Variants in ODAD2 observed in about 807,000 individuals in gnomAD.
ODAD2 encodes outer dynein arm-docking complex subunit 2.
ODAD2 carries 89 observed loss-of-function variants against 106.8 expected under a neutral mutation model. The observed-to-expected ratio is 0.83, with a 90% CI of 0.70 to 0.99. The LOEUF is 0.99. ODAD2 is among the 50% of genes least tolerant of loss of function. The probability of loss-of-function intolerance (pLI) is 0.00; values close to 1 mark genes in which losing one functional copy is unlikely to be tolerated. For missense variants in ODAD2, 1,168 were observed against 1,238.5 expected, an observed-to-expected ratio of 0.94 and a Z score of 0.85; for synonymous variants, 404 against 436.2, an observed-to-expected ratio of 0.93 and a Z score of 0.92.
At chr10:27,847,851 A>T (rs542435369) in intron 19 of ODAD2, among the ~76,000 whole-genome samples, 1 of 152,298 alleles carries the variant, frequency 6.6e-6, no homozygotes, top group Admixed American at 6.5e-5. Flanking sequence ...ATACCTAGGG[A>T]TCCAACTTAC....
intron 19 of ODAD2, among the ~76,000 whole-genome samples, chr10:27,829,810 T>G (rs536655475): frequency 3.8e-4 from 58 of 152,318 alleles, no homozygotes; most frequent in African/African-American, 1.2e-3. Context: ...TAGAACAGAA[T>G]AATACTTCTT....
chr10:27,884,807 A>T (rs1036128555), intron 17 of ODAD2, among the ~76,000 whole-genome samples: 5 of 152,178 alleles, frequency 3.3e-5, no homozygotes, highest in African/African-American at 1.2e-4. Context: ...AAGAACAGCC[A>T]TGTATATGGG....
chr10:27,892,483 A>G (rs1842625498), intron 17 of ODAD2, among the ~76,000 whole-genome samples: 1 of 152,156 alleles, frequency 6.6e-6, no homozygotes. Context: ...CGATTTTCCT[A>G]TCAGATAATG....
Position 27,812,380 on chromosome 10 carries a change from A to G in ODAD2, c.*132T>C. The G allele has an allele frequency of 2.6e-6, 2 of 761,482 alleles. No homozygotes were observed. Among genetic ancestry groups the G allele is most frequent in the South Asian group, 3.7e-5 (2 of 53,800 alleles). 47.2% of individuals were successfully genotyped at this position (761,482 alleles called of 1,614,324 possible). On this transcript the variant is annotated 3_prime_UTR_variant, in exon 20 of 20. Coordinates refer to ENST00000305242, the MANE Select transcript of ODAD2 (RefSeq NM_018076.5). ...GATGAAAAACATTCTGTGCATTTTCAATTTGTGTGTTTTCATTTAGATGGT... is the reference window on the plus strand; with the variant it reads ...GATGAAAAACATTCTGTGCATTTTCGATTTGTGTGTTTTCATTTAGATGGT...
chr10:27,898,990 T>G (rs1843018618), intron 17 of ODAD2, among the ~76,000 whole-genome samples: 1 of 152,132 alleles, frequency 6.6e-6, no homozygotes, highest in African/African-American at 2.4e-5. Flanking sequence ...AACTATCCTT[T>G]ATATAAAAAT....
At chr10:27,949,291 T>C (rs558160715) in intron 10 of ODAD2, among the ~76,000 whole-genome samples, 1 of 152,258 alleles carries the variant, frequency 6.6e-6, no homozygotes, top group Non-Finnish European at 1.5e-5. Flanking sequence ...TATAATGTAG[T>C]GGAGGAAAAA....
rs143096939 is a variant in ODAD2 at position 27,940,550 on chromosome 10, C to G, written c.1986+13G>C. 6.2e-7 allele frequency: 1 copy of G among 1,611,790 alleles called. No individual in the cohort carries two copies. Among genetic ancestry groups the G allele is most frequent in the Non-Finnish European group, 8.5e-7 (1 of 1,178,120 alleles). ...AGTTGAGAAGGCAAGGGAAGCAGAA[C>G]TGGCATGAGTACCTCTGATGCACAC... is the stretch of plus-strand genomic sequence containing the variant. On this transcript the variant is annotated intron_variant, in intron 13 of 19. Coordinates refer to ENST00000305242, the MANE Select transcript of ODAD2 (RefSeq NM_018076.5).
At chr10:27,958,870 C>T (rs1012257381) in intron 10 of ODAD2, 3 of 1,303,680 alleles carry the variant, frequency 2.3e-6, no homozygotes, top group East Asian at 5.6e-5. Context: ...AGAATTTCAA[C>T]TCAACTGGTC....
rs957245692 is a variant in ODAD2 at position 27,948,682 on chromosome 10, A to G, written c.1387-3720T>C. ...TGAAGGGCTTTGAAAAATGCTTCCA[A>G]TAAGTGTTTCCACTTCTAAAATTAA... On this transcript the variant is annotated intron_variant, in intron 10 of 19. Coordinates refer to ENST00000305242, the MANE Select transcript of ODAD2 (RefSeq NM_018076.5). 9.1e-4 allele frequency among the ~76,000 whole-genome samples: 139 copies of G among 152,010 alleles called. 1 individual carries two copies. The highest frequency in any genetic ancestry group is 9.1e-3 in the Admixed American group (138 of 15,244).
chr10:27,885,705 A>T (rs1197287315), intron 17 of ODAD2, among the ~76,000 whole-genome samples: 2 of 53,446 alleles, frequency 3.7e-5, no homozygotes, highest in Non-Finnish European at 6.8e-5. Flanking sequence ...AATATATATA[A>T]AATATATATT....
At position 27,812,634 on chromosome 10, in the gene ODAD2, C is replaced by G. The variant is rs758783044; in HGVS notation, c.3022-9G>C. On this transcript the variant is annotated splice_polypyrimidine_tract_variant and intron_variant, in intron 19 of 19. Coordinates refer to ENST00000305242, the MANE Select transcript of ODAD2 (RefSeq NM_018076.5). ...ACCATATCCAGTAGAAGCTGTCACA[C>G]ATAAGGAGGAGAAGAAGGGACACAA... 1 of 1,570,544 alleles carries G rather than the reference C, an allele frequency of 6.4e-7. No individual in the cohort carries two copies. The highest frequency in any genetic ancestry group is 8.6e-7 in the Non-Finnish European group (1 of 1,166,534).
chr10:27,885,688 A>T lies in ODAD2; in HGVS notation c.2610+21975T>A, dbSNP rs1378592990. Among the ~76,000 whole-genome samples, 15 of 53,020 alleles carry T rather than the reference A, an allele frequency of 2.8e-4. 1 individual carries two copies. The highest frequency in any genetic ancestry group is 4.8e-4 in the Non-Finnish European group (15 of 31,166). The allele number at this position is 53,020 out of a possible 152,430, so 34.8% of individuals were successfully genotyped here. On this transcript the variant is annotated intron_variant, in intron 17 of 19. Transcript: ENST00000305242. ...TATATATAAAATATATATAATATAT[A>T]ATATATAATATATATAAAATATATA...
chr10:27,977,616 T>A (rs1745051401), intron 7 of ODAD2, among the ~76,000 whole-genome samples: 1 of 151,722 alleles, frequency 6.6e-6, no homozygotes, highest in Non-Finnish European at 1.5e-5. Flanking sequence ...AGACCCAGAT[T>A]GGGATGAAAT....
At chr10:27,915,431 C>G (rs1232627591) in intron 16 of ODAD2, among the ~76,000 whole-genome samples, 3 of 152,008 alleles carry the variant, frequency 2.0e-5, no homozygotes, top group Non-Finnish European at 4.4e-5. Context: ...GGCAAAGGAG[C>G]TCTCCGGGGA....
At chr10:27,956,214 C>A (rs1489906560) in intron 10 of ODAD2, among the ~76,000 whole-genome samples, 1 of 152,172 alleles carries the variant, frequency 6.6e-6, no homozygotes, top group Non-Finnish European at 1.5e-5. Context: ...TCACTGTTTT[C>A]TCATCCCTTC....
chr10:27,899,240 G>C (rs1271707241), intron 17 of ODAD2, among the ~76,000 whole-genome samples: 1 of 151,954 alleles, frequency 6.6e-6, no homozygotes, highest in African/African-American at 2.4e-5. Flanking sequence ...CAAGGGAAGG[G>C]GGAGTGTGGG....
intron 17 of ODAD2, 136 bp from the exon 18 acceptor site, chr10:27,862,758 T>C (rs1004579272): frequency 7.6e-6 from 4 of 523,314 alleles, no homozygotes; most frequent in Admixed American, 3.8e-5. Context: ...TTTATTTCTA[T>C]ATTATATATT....
intron 17 of ODAD2, among the ~76,000 whole-genome samples, chr10:27,868,185 C>A (rs1393819048): frequency 6.6e-6 from 1 of 152,078 alleles, no homozygotes; most frequent in Non-Finnish European, 1.5e-5. Flanking sequence ...AAACAACATG[C>A]TTGTGAGTCT....
chr10:27,992,075 G>T (rs1850269383), intron 2 of ODAD2, among the ~76,000 whole-genome samples: 2 of 152,156 alleles, frequency 1.3e-5, no homozygotes, highest in Admixed American at 6.5e-5. Context: ...AGACCAAGGG[G>T]CACGGTCAAG....
Sources: gnomAD v4.1 joint callset for allele counts (sites outside exome capture counted in the v4.1 genomes callset) on GRCh38, gnomAD v4.1.1 for gene constraint, MANE v1.5 for transcripts, NCBI Gene and HGNC (gene_info 2026-07-23, HGNC 2026-07-21) for gene names.